Variants in CDIN1 observed in about 807,000 individuals in gnomAD.
CDIN1 encodes the protein CDAN1-interacting nuclease 1.
A neutral mutation model predicts 45.3 loss-of-function variants in CDIN1; 33 were observed. That is an observed-to-expected ratio of 0.73 (90% CI 0.55 to 0.97). The LOEUF (loss-of-function observed/expected upper bound fraction) is 0.97, where lower values mean the gene tolerates loss of function less well. CDIN1 is among the 50% of genes least tolerant of loss of function. The pLI is 0.00. For synonymous variants in CDIN1, 118 were observed against 124.4 expected (o/e 0.95, Z 0.34); for missense variants, 303 against 339.4 (o/e 0.89, Z 0.84).
chr15:36,706,341 G>A (rs1048616564), intron 8 of CDIN1: 6 of 152,130 alleles, frequency 3.9e-5, no homozygotes, highest in Non-Finnish European at 8.8e-5. Context: ...GGCCAGGCAT[G>A]GTGGCTCATG....
At chr15:36,603,603 T>G (rs2038216300) in intron 1 of CDIN1, among the ~76,000 whole-genome samples, 1 of 152,218 alleles carries the variant, frequency 6.6e-6, no homozygotes, top group Non-Finnish European at 1.5e-5. Context: ...ATTTGCTATT[T>G]ATTTTTATTT....
At chr15:36,670,499 C>A (rs1046511820) in intron 5 of CDIN1, among the ~76,000 whole-genome samples, 1 of 152,072 alleles carries the variant, frequency 6.6e-6, no homozygotes, top group African/African-American at 2.4e-5. Flanking sequence ...TTTTGCATAT[C>A]AAGTAGTTTT....
intron 5 of CDIN1, chr15:36,691,137 G>T (rs373338551): frequency 9.6e-6 from 5 of 518,150 alleles, no homozygotes; most frequent in Non-Finnish European, 1.9e-5. Flanking sequence ...CTTGTGGAAT[G>T]GAGATAGGAT....
At chr15:36,617,442 CCTAAAAGAATGT>C in intron 1 of CDIN1, 1 of 1,069,552 alleles carries the variant, frequency 9.3e-7, no homozygotes, top group Non-Finnish European at 1.5e-6. Flanking sequence ...CTACAGAAGA[CCTAAAAGAATGT>C]CTAAAGAAAC....
chr15:36,695,741 G>C (rs2042400134), intron 7 of CDIN1, among the ~76,000 whole-genome samples: 1 of 152,024 alleles, frequency 6.6e-6, no homozygotes, highest in African/African-American at 2.4e-5. Flanking sequence ...CAGCTACTCT[G>C]GAGGCTGAGG....
intron 10 of CDIN1, among the ~76,000 whole-genome samples, chr15:36,713,942 C>T (rs917144339): frequency 6.6e-6 from 1 of 152,162 alleles, no homozygotes; most frequent in Admixed American, 6.5e-5. Flanking sequence ...ATCTTATCTA[C>T]TGGTTTTATC....
intron 5 of CDIN1, among the ~76,000 whole-genome samples, chr15:36,678,103 A>G (rs1682784508): frequency 6.6e-6 from 1 of 152,200 alleles, no homozygotes; most frequent in South Asian, 2.1e-4. Flanking sequence ...ATTTGTCCCT[A>G]TAGGATTCCC....
chr15:36,725,237 C>T (rs891984889), intron 10 of CDIN1, among the ~76,000 whole-genome samples: 1 of 151,956 alleles, frequency 6.6e-6, no homozygotes, highest in Admixed American at 6.6e-5. Flanking sequence ...ACTCCTCAAA[C>T]ACAAAGTGCT....
intron 10 of CDIN1, among the ~76,000 whole-genome samples, chr15:36,755,410 C>T (rs1256797507): frequency 1.3e-5 from 2 of 152,120 alleles, no homozygotes; most frequent in African/African-American, 2.4e-5. Context: ...CTCATTGAAT[C>T]GCTGTTTTGT....
At chr15:36,653,582 T>C (rs1204198128) in intron 3 of CDIN1, among the ~76,000 whole-genome samples, 2 of 152,040 alleles carry the variant, frequency 1.3e-5, no homozygotes, top group Non-Finnish European at 2.9e-5. Context: ...CTTCCACAAA[T>C]CTAGGGCAGA....
chr15:36,594,866 G>A, intron 1 of CDIN1: 2 of 983,814 alleles, frequency 2.0e-6, no homozygotes, highest in Non-Finnish European at 2.4e-6. Flanking sequence ...CAAGTTGTTT[G>A]GCTCTTTAAT....
intron 10 of CDIN1, among the ~76,000 whole-genome samples, chr15:36,794,318 A>G (rs1044439771): frequency 6.6e-6 from 1 of 152,126 alleles, no homozygotes; most frequent in African/African-American, 2.4e-5. Context: ...TCAGCCTCCC[A>G]AAGTGCTGGG....
chr15:36,663,524 G>A (rs1051641736), intron 5 of CDIN1, among the ~76,000 whole-genome samples: 1 of 152,134 alleles, frequency 6.6e-6, no homozygotes, highest in Non-Finnish European at 1.5e-5. Flanking sequence ...GTAATAGTGA[G>A]TGAGTTCTCA....
At chr15:36,591,730 T>C (rs2037586281) in intron 1 of CDIN1, 1 of 152,226 alleles carries the variant, frequency 6.6e-6, no homozygotes. Context: ...CAAGCCGGTG[T>C]TGGATCGAGA....
intron 10 of CDIN1, among the ~76,000 whole-genome samples, chr15:36,802,584 C>G (rs186111764): frequency 5.3e-5 from 8 of 152,014 alleles, no homozygotes; most frequent in African/African-American, 1.9e-4. Flanking sequence ...TCTCCATTCT[C>G]CATAAGTAAA....
intron 1 of CDIN1, among the ~76,000 whole-genome samples, chr15:36,628,450 T>A (rs959897149): frequency 2.0e-5 from 3 of 152,208 alleles, no homozygotes; most frequent in African/African-American, 7.2e-5. Flanking sequence ...TAAAGGTTGT[T>A]TATATTCTTT....
At position 36,651,474 on chromosome 15, in the gene CDIN1, G is replaced by A. The variant is rs192166133; in HGVS notation, c.213-2624G>A. Among the ~76,000 whole-genome samples the A allele has an allele frequency of 1.3e-4, 20 of 152,220 alleles. No individual in the cohort carries two copies. In the South Asian group the frequency reaches 1.5e-3, roughly 11 times the overall value. Reference sequence around the variant, plus strand: ...GATTACATATCTGAAAATTTAAATAGAGCCTGATCTGTCACTTTGATGTGG... The same window carrying A: ...GATTACATATCTGAAAATTTAAATAAAGCCTGATCTGTCACTTTGATGTGG... On this transcript the variant is annotated intron_variant, in intron 3 of 10. Transcript: ENST00000566621.
At chr15:36,728,234 A>G (rs992955700) in intron 10 of CDIN1, among the ~76,000 whole-genome samples, 2 of 152,172 alleles carry the variant, frequency 1.3e-5, no homozygotes, top group African/African-American at 4.8e-5. Context: ...AAAAAGTGAC[A>G]AGGAAAATTG....
At chr15:36,778,422 G>C (rs1333739477) in intron 10 of CDIN1, among the ~76,000 whole-genome samples, 2 of 152,162 alleles carry the variant, frequency 1.3e-5, no homozygotes, top group Admixed American at 6.5e-5. Context: ...TTTTTCTTCT[G>C]TTTTGCCTTT....
Sources: allele counts gnomAD v4.1 joint callset (sites outside exome capture counted in the v4.1 genomes callset), GRCh38; gene constraint gnomAD v4.1.1; transcripts MANE v1.5; gene names NCBI Gene and HGNC (gene_info 2026-07-23, HGNC 2026-07-21).